NPAS3: variants seen among roughly 807,000 people sequenced by gnomAD.
The protein encoded by NPAS3 is neuronal PAS domain-containing protein 3.
In NPAS3, 14 loss-of-function variants were observed where a neutral mutation model predicts 73.1. That is an observed-to-expected ratio of 0.19 (90% CI 0.13 to 0.30). The LOEUF is 0.30. Among genes scored for constraint, NPAS3 ranks in the 10% least tolerant of loss-of-function variants. NPAS3 has a pLI of 1.00. For synonymous variants in NPAS3, 620 were observed against 541.5 expected, an observed-to-expected ratio of 1.14 and a Z score of -2.01; for missense variants, 1,096 against 1,250.0, an observed-to-expected ratio of 0.88 and a Z score of 1.86.
At chr14:33,202,516 G>A (rs1457703778) in intron 2 of NPAS3, among the ~76,000 whole-genome samples, 4 of 152,242 alleles carry the variant, frequency 2.6e-5, no homozygotes, top group South Asian at 2.1e-4. Context: ...AGAGGACTAA[G>A]CACCTAATAA....
intron 4 of NPAS3, among the ~76,000 whole-genome samples, chr14:33,496,957 TC>T (rs2052229555): frequency 6.6e-6 from 1 of 152,156 alleles, no homozygotes; most frequent in African/African-American, 2.4e-5. Context: ...CCCCATCATC[TC>T]AGCCCAAAAT....
chr14:32,968,770 TTC>T (rs1555311969), intron 1 of NPAS3, among the ~76,000 whole-genome samples: 1 of 40,780 alleles, frequency 2.5e-5, no homozygotes, highest in Non-Finnish European at 5.8e-5. Context: ...ACTACTTTCT[TTC>T]TTTTTTTTTT....
chr14:33,505,703 G>A (rs1019469720), intron 4 of NPAS3, among the ~76,000 whole-genome samples: 1 of 151,808 alleles, frequency 6.6e-6, no homozygotes, highest in Non-Finnish European at 1.5e-5. Flanking sequence ...TCCAAATTAG[G>A]GAAATTATTT....
chr14:33,682,189 A>C (rs140205197), intron 6 of NPAS3, among the ~76,000 whole-genome samples: 1 of 152,332 alleles, frequency 6.6e-6, no homozygotes, highest in African/African-American at 2.4e-5. Context: ...TAAATCCATC[A>C]GATAAACTAC....
chr14:33,387,043 G>A (rs117113868), intron 4 of NPAS3, among the ~76,000 whole-genome samples: 2,931 of 152,188 alleles, frequency 0.019, 48 homozygotes, highest in Non-Finnish European at 0.032. Context: ...CTAATGTTGA[G>A]GCATTTACAT....
At chr14:33,420,923 C>A (rs1213017761) in intron 4 of NPAS3, among the ~76,000 whole-genome samples, 1 of 151,808 alleles carries the variant, frequency 6.6e-6, no homozygotes, top group African/African-American at 2.4e-5. Context: ...ATATTATTTC[C>A]AGCTCAATAT....
chr14:33,018,039 A>T (rs1006693661), intron 1 of NPAS3, among the ~76,000 whole-genome samples: 2 of 125,570 alleles, frequency 1.6e-5, no homozygotes, highest in Non-Finnish European at 3.2e-5. Context: ...CAGCAAACAA[A>T]AAAAAAGAAA....
chr14:33,227,381 A>G (rs1421201529), intron 3 of NPAS3, among the ~76,000 whole-genome samples: 1 of 152,206 alleles, frequency 6.6e-6, no homozygotes, highest in Non-Finnish European at 1.5e-5. Context: ...TAATACTTTT[A>G]CTGAGATTAG....
chr14:33,220,691 T>A (rs1474678302), intron 3 of NPAS3, among the ~76,000 whole-genome samples: 1 of 152,182 alleles, frequency 6.6e-6, no homozygotes, highest in Non-Finnish European at 1.5e-5. Flanking sequence ...CACTTTTTCA[T>A]GAAAAGCTTT....
chr14:33,599,546 G>T (rs1161556395), intron 5 of NPAS3, among the ~76,000 whole-genome samples: 1 of 151,732 alleles, frequency 6.6e-6, no homozygotes, highest in Non-Finnish European at 1.5e-5. Flanking sequence ...TCAGGCAACA[G>T]ATTTAATTAA....
intron 6 of NPAS3, among the ~76,000 whole-genome samples, chr14:33,713,648 C>A (rs1026754340): frequency 1.1e-4 from 17 of 152,218 alleles, no homozygotes; most frequent in African/African-American, 3.9e-4. Context: ...CTATTGTCAC[C>A]ACCACCATCT....
At chr14:33,416,634 C>G (rs959314038) in intron 4 of NPAS3, among the ~76,000 whole-genome samples, 3 of 151,860 alleles carry the variant, frequency 2.0e-5, no homozygotes, top group Non-Finnish European at 2.9e-5. Context: ...TTCAAAAATT[C>G]AAGGGAAAAT....
intron 5 of NPAS3, among the ~76,000 whole-genome samples, chr14:33,611,484 TA>T (rs760782271): frequency 7.9e-5 from 12 of 152,114 alleles, no homozygotes; most frequent in Non-Finnish European, 1.5e-4. Context: ...GAGGGGCAGT[TA>T]GGGGCAGTCT....
Position 33,046,711 on chromosome 14 carries a change from C to CA in NPAS3, c.51-9193dup, listed in dbSNP as rs1383847408. Among the ~76,000 whole-genome samples, 27 of 152,310 alleles carry CA rather than the reference C, an allele frequency of 1.8e-4. 1 individual carries two copies. Among genetic ancestry groups the CA allele is most frequent in the Admixed American group, 1.5e-3 (23 of 15,300 alleles). ...CAGTTAAGAGCCGGGAGCAGTGGCT[C>CA]ACGCCTGTAATACCAACACTTTGAG... On this transcript the variant is annotated intron_variant, in intron 1 of 11. Transcript: ENST00000356141.
chr14:33,164,119 C>T (rs1445199558), intron 2 of NPAS3, among the ~76,000 whole-genome samples: 1 of 152,164 alleles, frequency 6.6e-6, no homozygotes, highest in Non-Finnish European at 1.5e-5. Context: ...TAATTCAGTA[C>T]TTGTGAAAAT....
chr14:33,260,425 A>T (rs747286941), intron 3 of NPAS3, among the ~76,000 whole-genome samples: 2 of 151,984 alleles, frequency 1.3e-5, no homozygotes, highest in Non-Finnish European at 2.9e-5. Context: ...AGTCCAACCA[A>T]GTCTTACACT....
chr14:33,004,120 A>G (rs2038904616), intron 1 of NPAS3, among the ~76,000 whole-genome samples: 1 of 152,204 alleles, frequency 6.6e-6, no homozygotes, highest in African/African-American at 2.4e-5. Flanking sequence ...AAGCATTTAG[A>G]ACAGACATGT....
At chr14:33,204,994 T>C (rs920365301) in intron 2 of NPAS3, among the ~76,000 whole-genome samples, 5 of 152,192 alleles carry the variant, frequency 3.3e-5, no homozygotes, top group African/African-American at 1.2e-4. Context: ...CAATAAATTA[T>C]ATTTTCATTT....
intron 1 of NPAS3, among the ~76,000 whole-genome samples, chr14:33,034,197 T>G (rs902121034): frequency 6.6e-6 from 1 of 152,072 alleles, no homozygotes; most frequent in Non-Finnish European, 1.5e-5. Flanking sequence ...TTGAAAATAT[T>G]ATGTATTATT....
Sources: gnomAD v4.1 joint callset for allele counts (sites outside exome capture counted in the v4.1 genomes callset) on GRCh38, gnomAD v4.1.1 for gene constraint, MANE v1.5 for transcripts, NCBI Gene and HGNC (gene_info 2026-07-23, HGNC 2026-07-21) for gene names.